TOX2: variants seen among roughly 807,000 people sequenced by gnomAD.
TOX2 encodes TOX high mobility group box family member 2.
TOX2 carries 15 observed loss-of-function variants against 47.4 expected under a neutral mutation model. The ratio of observed to expected loss-of-function variants is 0.32; its 90% CI spans 0.21 to 0.49. TOX2 has a LOEUF of 0.49. Ranked by LOEUF, TOX2 falls within the 20% of genes least tolerant of loss-of-function variation. The pLI is 0.99. For missense variants in TOX2, 622 were observed against 673.1 expected (o/e 0.92, Z 0.84); for synonymous variants, 290 against 296.6 (o/e 0.98, Z 0.23).
intron 3 of TOX2, among the ~76,000 whole-genome samples, chr20:44,040,644 C>T (rs2071317159): frequency 6.6e-6 from 1 of 152,178 alleles, no homozygotes; most frequent in Non-Finnish European, 1.5e-5. Context: ...ACATGGTCAG[C>T]ACAGTGTCTG....
chr20:44,045,708 T>G (rs927752550), intron 3 of TOX2, among the ~76,000 whole-genome samples: 11 of 152,216 alleles, frequency 7.2e-5, no homozygotes, highest in Non-Finnish European at 7.3e-5. Flanking sequence ...GTGATCAGAA[T>G]GGTGGAAATC....
chr20:43,931,916 C>G (rs903124743), intron 1 of TOX2, among the ~76,000 whole-genome samples: 1 of 152,184 alleles, frequency 6.6e-6, no homozygotes, highest in African/African-American at 2.4e-5. Context: ...GTATTTTAGC[C>G]CCTATTGGGC....
At chr20:43,963,396 C>CAGT (rs1244770762) in intron 1 of TOX2, among the ~76,000 whole-genome samples, 2 of 152,222 alleles carry the variant, frequency 1.3e-5, no homozygotes, top group Non-Finnish European at 1.5e-5. Context: ...CTGCGGCAGG[C>CAGT]AGTGCCCAAG....
At chr20:43,955,569 G>C in intron 1 of TOX2, among the ~76,000 whole-genome samples, 1 of 152,146 alleles carries the variant, frequency 6.6e-6, no homozygotes, top group East Asian at 1.9e-4. Context: ...TGACCAAGGA[G>C]AGGAAATTAG....
At chr20:44,014,943 C>T (rs374835862) in intron 3 of TOX2, among the ~76,000 whole-genome samples, 35 of 152,220 alleles carry the variant, frequency 2.3e-4, no homozygotes, top group East Asian at 1.5e-3. Flanking sequence ...AAAGCAACAG[C>T]GGAGTGACAG....
At position 43,927,652 on chromosome 20, in the gene TOX2, TC is replaced by T. The variant is rs1429934966; in HGVS notation, c.99+12665del. On this transcript the variant is annotated intron_variant, in intron 1 of 8. Coordinates refer to ENST00000341197, the MANE Select transcript of TOX2 (RefSeq NM_001098797.2). Reference sequence around the variant, plus strand: ...CCTTCCTTCCTTCCTCCCCTTCCCTTCCCTTCCCCTTCCTTCCTTCCTTTCT... The same window carrying T: ...CCTTCCTTCCTTCCTCCCCTTCCCTTCCTTCCCCTTCCTTCCTTCCTTTCT... Among the ~76,000 whole-genome samples the T allele has an allele frequency of 2.9e-5, 3 of 102,514 alleles. 1 individual carries two copies. The highest frequency in any genetic ancestry group is 1.5e-4 in the African/African-American group (3 of 20,044). The allele number at this position is 102,514 out of a possible 152,430, so 67.3% of individuals were successfully genotyped here.
intron 1 of TOX2, among the ~76,000 whole-genome samples, chr20:43,942,873 A>G (rs992274568): frequency 6.6e-6 from 1 of 152,140 alleles, no homozygotes; most frequent in Non-Finnish European, 1.5e-5. Flanking sequence ...TTGCCTCAGA[A>G]TCTGAAAAAT....
Position 43,970,956 on chromosome 20 carries a change from A to AG in TOX2, c.100-2410dup, listed in dbSNP as rs533155912. ...GCTCTGTGTGCAGTGTGGTGGATGG[A>AG]GTCCTGCATTTGGGGTCAGTGCCCA... is the stretch of plus-strand genomic sequence containing the variant. On this transcript the variant is annotated intron_variant, in intron 1 of 8. Coordinates refer to ENST00000341197, the MANE Select transcript of TOX2 (RefSeq NM_001098797.2). Among the ~76,000 whole-genome samples the AG allele has an allele frequency of 6.0e-4, 91 of 152,366 alleles. 1 individual carries two copies. The highest frequency in any genetic ancestry group is 2.1e-3 in the African/African-American group (89 of 41,584).
At chr20:44,001,312 T>C (rs1407825675) in intron 2 of TOX2, among the ~76,000 whole-genome samples, 1 of 152,202 alleles carries the variant, frequency 6.6e-6, no homozygotes, top group African/African-American at 2.4e-5. Context: ...AAAATGAAGA[T>C]AATAATCACT....
At chr20:44,010,435 T>G (rs903095340) in intron 3 of TOX2, among the ~76,000 whole-genome samples, 4 of 152,150 alleles carry the variant, frequency 2.6e-5, no homozygotes, top group Non-Finnish European at 5.9e-5. Flanking sequence ...ATTTTATATT[T>G]TCTCTTTATG....
Position 43,985,597 on chromosome 20 carries a change from C to CT in TOX2, c.165+12167dup, listed in dbSNP as rs1276927178. ...TATATCCAAAGTGGTTATTCTAGTGCTTGGTACATAGCAATTGGTAGTTAG... is the reference window on the plus strand; with the variant it reads ...TATATCCAAAGTGGTTATTCTAGTGCTTTGGTACATAGCAATTGGTAGTTAG... On this transcript the variant is annotated intron_variant, in intron 2 of 8. Coordinates refer to ENST00000341197, the MANE Select transcript of TOX2 (RefSeq NM_001098797.2). Among the ~76,000 whole-genome samples, 6 of 152,162 alleles carry CT rather than the reference C, an allele frequency of 3.9e-5. No homozygotes were observed. The East Asian group carries it at 1.2e-3, about 29-fold the overall frequency.
At chr20:43,957,923 A>T (rs111766516) in intron 1 of TOX2, among the ~76,000 whole-genome samples, 40 of 152,158 alleles carry the variant, frequency 2.6e-4, no homozygotes, top group Non-Finnish European at 4.7e-4. Flanking sequence ...AGAACTCACT[A>T]TCACGAGAAC....
chr20:43,917,618 G>A (rs1371810004), intron 1 of TOX2, among the ~76,000 whole-genome samples: 1 of 152,088 alleles, frequency 6.6e-6, no homozygotes, highest in Non-Finnish European at 1.5e-5. Context: ...TCCCCTTGGC[G>A]ACCATCCCCT....
At chr20:43,945,875 T>C (rs769911462) in intron 1 of TOX2, 1 of 1,606,708 alleles carries the variant, frequency 6.2e-7, no homozygotes, top group East Asian at 2.2e-5. Flanking sequence ...TTATAAAGCT[T>C]GCTATTTCTG....
intron 1 of TOX2, chr20:43,945,648 G>A (rs561736807): frequency 3.5e-5 from 15 of 425,650 alleles, no homozygotes; most frequent in African/African-American, 2.6e-4. Flanking sequence ...GTGGAGCCGC[G>A]CTGTACTTAG....
chr20:44,067,178 A>T (rs528220710), intron 8 of TOX2, among the ~76,000 whole-genome samples: 1 of 152,024 alleles, frequency 6.6e-6, no homozygotes, highest in Non-Finnish European at 1.5e-5. Flanking sequence ...GTTCCCTAGA[A>T]GCAGAGCCTG....
At chr20:44,055,886 C>T (rs1459524475) in intron 5 of TOX2, among the ~76,000 whole-genome samples, 1 of 152,142 alleles carries the variant, frequency 6.6e-6, no homozygotes, top group Non-Finnish European at 1.5e-5. Flanking sequence ...TTATTTGAAA[C>T]ATCATCTTTA....
intron 3 of TOX2, among the ~76,000 whole-genome samples, chr20:44,036,595 C>T (rs2071244904): frequency 6.6e-6 from 1 of 152,274 alleles, no homozygotes; most frequent in African/African-American, 2.4e-5. Context: ...CCACACTCCA[C>T]TACCAGAAGG....
chr20:43,915,219 C>T lies in TOX2; in HGVS notation c.99+229C>T, dbSNP rs979132601. On this transcript the variant is annotated intron_variant, in intron 1 of 8. Transcript: ENST00000341197. This position sits in a 1 kb window ranked among gnomAD's most constrained non-coding sequence, Gnocchi z 7.1. The stretch of plus-strand genomic sequence containing the variant: ...TGCGACGACACAGTGGCCCCTCACT[C>T]GCGTCCCCCTGACAGCCTCGCAGTC... Among the ~76,000 whole-genome samples, 1 of 152,126 alleles carries T rather than the reference C, an allele frequency of 6.6e-6. No individual in the cohort carries two copies. The highest frequency in any genetic ancestry group is 1.5e-5 in the Non-Finnish European group (1 of 68,016).
Sources: gnomAD v4.1 joint callset for allele counts (sites outside exome capture counted in the v4.1 genomes callset) on GRCh38, gnomAD v4.1.1 for gene constraint, Gnocchi (gnomAD v3.1) non-coding constraint, MANE v1.5 for transcripts, NCBI Gene and HGNC (gene_info 2026-07-23, HGNC 2026-07-21) for gene names.